The following RBFOX1 variants were observed in gnomAD, a reference collection of about 807,000 sequenced individuals.
The protein encoded by RBFOX1 is RNA binding fox-1 homolog 1.
RBFOX1 carries 8 observed loss-of-function variants against 57.7 expected under a neutral mutation model. The observed-to-expected ratio is 0.14, with a 90% CI of 0.08 to 0.25. The LOEUF (loss-of-function observed/expected upper bound fraction) is 0.25. RBFOX1 is among the 10% of genes least tolerant of loss of function. The pLI is 1.00. For missense variants in RBFOX1, 611 were observed against 548.5 expected, an observed-to-expected ratio of 1.11 and a Z score of -1.14; for synonymous variants, 326 against 222.4, an observed-to-expected ratio of 1.47 and a Z score of -4.15.
At chr16:6,377,483 A>G (rs1273623738) in intron 2 of RBFOX1, among the ~76,000 whole-genome samples, 2 of 152,104 alleles carry the variant, frequency 1.3e-5, no homozygotes, top group Non-Finnish European at 2.9e-5. Flanking sequence ...TGAATGCATG[A>G]ATGAATGATA....
At chr16:6,971,424 A>G (rs1269625086) in intron 3 of RBFOX1, among the ~76,000 whole-genome samples, 1 of 151,870 alleles carries the variant, frequency 6.6e-6, no homozygotes, top group African/African-American at 2.4e-5. Context: ...AGGGTGGTGT[A>G]AGATGGGTTT....
At chr16:6,590,166 A>G (rs1404476039) in intron 2 of RBFOX1, among the ~76,000 whole-genome samples, 1 of 152,198 alleles carries the variant, frequency 6.6e-6, no homozygotes, top group African/African-American at 2.4e-5. Flanking sequence ...GGGAACTTCT[A>G]AGTTCACATG....
At chr16:6,836,266 T>A (rs2093087626) in intron 3 of RBFOX1, among the ~76,000 whole-genome samples, 1 of 152,206 alleles carries the variant, frequency 6.6e-6, no homozygotes, top group Admixed American at 6.5e-5. Flanking sequence ...CTTCTTAAAA[T>A]CTGTTTTACA....
At chr16:5,503,175 A>G (rs1255200222) in intron 2 of RBFOX1, among the ~76,000 whole-genome samples, 1 of 152,120 alleles carries the variant, frequency 6.6e-6, no homozygotes, top group Admixed American at 6.5e-5. Context: ...CGGCAAGAGA[A>G]TTAACATCTC....
intron 3 of RBFOX1, among the ~76,000 whole-genome samples, chr16:6,803,621 C>G (rs1173025850): frequency 2.0e-5 from 3 of 152,156 alleles, no homozygotes; most frequent in Non-Finnish European, 4.4e-5. Context: ...GATTCCTAAA[C>G]CGAATGGACT....
chr16:5,465,823 G>A (rs1400922499), intron 1 of RBFOX1, among the ~76,000 whole-genome samples: 4 of 152,208 alleles, frequency 2.6e-5, no homozygotes, highest in Non-Finnish European at 5.9e-5. Flanking sequence ...GTGGAGTCCC[G>A]TGGACTGCAA....
At chr16:5,963,138 C>T (rs1172737703) in intron 4 of RBFOX1, among the ~76,000 whole-genome samples, 1 of 152,172 alleles carries the variant, frequency 6.6e-6, no homozygotes, top group Non-Finnish European at 1.5e-5. Context: ...TCATGAAAAT[C>T]TGCATGTTGA....
intron 13 of RBFOX1, among the ~76,000 whole-genome samples, chr16:7,670,761 T>C (rs2071152175): frequency 6.6e-6 from 1 of 152,200 alleles, no homozygotes; most frequent in Admixed American, 6.5e-5. Context: ...CTTCAAGTGT[T>C]CAGCCATCTC....
intron 4 of RBFOX1, among the ~76,000 whole-genome samples, chr16:6,011,983 G>T (rs139343027): frequency 3.9e-5 from 6 of 152,192 alleles, no homozygotes; most frequent in African/African-American, 1.4e-4. Flanking sequence ...ATTTCTTCAC[G>T]ATGACCCTGT....
chr16:7,308,202 C>T (rs1025074682), intron 4 of RBFOX1, among the ~76,000 whole-genome samples: 2 of 151,846 alleles, frequency 1.3e-5, no homozygotes, highest in Non-Finnish European at 2.9e-5. Flanking sequence ...CCTTATAGCA[C>T]CCATCTCATG....
chr16:7,446,124 A>G (rs1317567482), intron 4 of RBFOX1, among the ~76,000 whole-genome samples: 3 of 152,224 alleles, frequency 2.0e-5, no homozygotes, highest in African/African-American at 7.2e-5. Flanking sequence ...ATGCTGTGTG[A>G]AATGACTAAT....
chr16:6,181,751 G>A (rs1291841164), intron 1 of RBFOX1, among the ~76,000 whole-genome samples: 1 of 151,926 alleles, frequency 6.6e-6, no homozygotes, highest in Non-Finnish European at 1.5e-5. Flanking sequence ...TCTATTAGTG[G>A]GTATGGAGAA....
intron 3 of RBFOX1, among the ~76,000 whole-genome samples, chr16:5,621,309 C>T (rs1013873819): frequency 2.0e-5 from 3 of 152,178 alleles, no homozygotes; most frequent in African/African-American, 7.2e-5. Context: ...TTTTAAAGAC[C>T]TGTCTCCAAA....
At chr16:7,304,915 G>GGTGTGTGTGT (rs59599069) in intron 4 of RBFOX1, among the ~76,000 whole-genome samples, 2 of 140,600 alleles carry the variant, frequency 1.4e-5, no homozygotes, top group Non-Finnish European at 3.1e-5. Flanking sequence ...TGTGTGGTGT[G>GGTGTGTGTGT]GTGTGTGTGT....
At chr16:5,956,450 G>C (rs1443172800) in intron 4 of RBFOX1, among the ~76,000 whole-genome samples, 1 of 151,464 alleles carries the variant, frequency 6.6e-6, no homozygotes, top group Non-Finnish European at 1.5e-5. Context: ...TAGATGTGGG[G>C]AGATGCAAGT....
At chr16:6,503,591 G>A (rs2096002728) in intron 2 of RBFOX1, among the ~76,000 whole-genome samples, 1 of 152,098 alleles carries the variant, frequency 6.6e-6, no homozygotes, top group Non-Finnish European at 1.5e-5. Context: ...TTTCTTATTT[G>A]TGGCCTTTTC....
intron 10 of RBFOX1, among the ~76,000 whole-genome samples, chr16:7,618,121 G>A (rs1007519489): frequency 6.6e-6 from 1 of 152,138 alleles, no homozygotes; most frequent in Non-Finnish European, 1.5e-5. Flanking sequence ...AGATTAGAGA[G>A]TACCTTCTAG....
At chr16:5,485,544 C>G (rs1479128081) in intron 2 of RBFOX1, among the ~76,000 whole-genome samples, 1 of 151,976 alleles carries the variant, frequency 6.6e-6, no homozygotes, top group Non-Finnish European at 1.5e-5. Flanking sequence ...ATGCCAAGTA[C>G]CACAATTAGG....
At chr16:5,610,458 T>A (rs1293615576) in intron 3 of RBFOX1, 2 of 152,204 alleles carry the variant, frequency 1.3e-5, no homozygotes, top group African/African-American at 2.4e-5. Flanking sequence ...GACATGGGTA[T>A]AGGCAGGATG....
Sources: allele counts gnomAD v4.1 joint callset (sites outside exome capture counted in the v4.1 genomes callset), GRCh38; gene constraint gnomAD v4.1.1; transcripts MANE v1.5; gene names NCBI Gene and HGNC (gene_info 2026-07-23, HGNC 2026-07-21).